Variants in ATP9B observed in about 807,000 individuals in gnomAD.
ATP9B encodes probable phospholipid-transporting ATPase IIB.
ATP9B carries 110 observed loss-of-function variants against 146.1 expected under a neutral mutation model. The ratio of observed to expected loss-of-function variants is 0.75; its 90% CI spans 0.65 to 0.88. The LOEUF is 0.88. Among genes scored for constraint, ATP9B ranks in the 40% least tolerant of loss-of-function variants. The probability of loss-of-function intolerance (pLI) is 0.00; values close to 1 mark genes in which losing one functional copy is unlikely to be tolerated. For synonymous variants in ATP9B, 604 were observed against 569.7 expected (o/e 1.06, Z -0.86); for missense variants, 1,499 against 1,496.4 (o/e 1.00, Z -0.03).
intron 15 of ATP9B, among the ~76,000 whole-genome samples, chr18:79,326,880 G>C (rs554791906): frequency 8.5e-5 from 13 of 152,354 alleles, no homozygotes; most frequent in Admixed American, 2.6e-4. Flanking sequence ...ACTGTCCACT[G>C]TGCTGACTGT....
chr18:79,169,592 C>A (rs2095038545), intron 7 of ATP9B, among the ~76,000 whole-genome samples: 1 of 152,122 alleles, frequency 6.6e-6, no homozygotes, highest in Non-Finnish European at 1.5e-5. Context: ...AAAAGTAAAC[C>A]TTTTCTTAAC....
intron 13 of ATP9B, among the ~76,000 whole-genome samples, chr18:79,296,472 A>C (rs565082087): frequency 2.4e-4 from 37 of 152,364 alleles, no homozygotes; most frequent in Middle Eastern, 3.4e-3. Context: ...CGCTAGCTGC[A>C]CTTTGCAACG....
intron 21 of ATP9B, 94 bp from the exon 22 acceptor site, chr18:79,345,334 G>T: frequency 1.4e-6 from 2 of 1,433,616 alleles, no homozygotes; most frequent in Non-Finnish European, 1.9e-6. Flanking sequence ...GCGTCTGTTG[G>T]CTTTGCTCCC....
intron 13 of ATP9B, among the ~76,000 whole-genome samples, chr18:79,291,169 C>T (rs2096499028): frequency 1.4e-5 from 2 of 146,322 alleles, no homozygotes; most frequent in African/African-American, 5.0e-5. Context: ...AGAGCTGCAG[C>T]TTTTTTTTTT....
rs146329439 is a variant in ATP9B at position 79,332,173 on chromosome 18, T to G, written c.2028+2069T>G. 3.1e-4 allele frequency among the ~76,000 whole-genome samples: 47 copies of G among 152,388 alleles called. No individual in the cohort carries two copies. In the East Asian group the frequency reaches 8.3e-3, roughly 27 times the overall value. ...GGCTGGGTACGGTGGCTTACGCCTG[T>G]AATGCCAGCACTTTGGGAGGCCAAG... On this transcript the variant is annotated intron_variant, in intron 17 of 29. Coordinates refer to ENST00000426216, the MANE Select transcript of ATP9B (RefSeq NM_198531.5).
chr18:79,301,980 C>G (rs2096593495), intron 13 of ATP9B, among the ~76,000 whole-genome samples: 2 of 152,184 alleles, frequency 1.3e-5, no homozygotes, highest in South Asian at 2.1e-4. Context: ...CTAACTGATT[C>G]ACTTTGTGCT....
rs181769316 is a variant in ATP9B at position 79,162,246 on chromosome 18, G to T, written c.778+7691G>T. Among the ~76,000 whole-genome samples the T allele has an allele frequency of 3.5e-4, 53 of 152,296 alleles. No individual in the cohort carries two copies. The East Asian group carries it at 9.5e-3, about 27-fold the overall frequency. Reference sequence around the variant, plus strand: ...GGTGCTTGTCAGTACAGCATGGTGGGTTGCTCATGGCATCGTATTGACTGT... The same window carrying T: ...GGTGCTTGTCAGTACAGCATGGTGGTTTGCTCATGGCATCGTATTGACTGT... On this transcript the variant is annotated intron_variant, in intron 7 of 29. Coordinates refer to ENST00000426216, the MANE Select transcript of ATP9B (RefSeq NM_198531.5).
chr18:79,186,056 G>A (rs1252763405), intron 8 of ATP9B, among the ~76,000 whole-genome samples: 1 of 152,160 alleles, frequency 6.6e-6, no homozygotes, highest in Non-Finnish European at 1.5e-5. Context: ...TTCAGGCGTT[G>A]TAGACATTTG....
Position 79,347,786 on chromosome 18 carries a change from C to T in ATP9B, c.2699C>T (p.Ser900Leu). ...TTCTCTCAGGAGGGTAAACAGGCCT[C>T]GCTGGCGGCCGACTTCTCCATCACG... The part of the protein sequence containing the change: ...GIEGKEGKQA[S>L]LAADFSITQF... Residue 900 changes from serine to leucine, a missense_variant, in exon 24 of 30, where the codon TCG becomes TTG. Physicochemically the swap from Ser to Leu is moderately radical, Grantham distance 145 (BLOSUM62 -2). Transcript: ENST00000426216. The T allele has an allele frequency of 2.5e-6, 4 of 1,585,818 alleles. No individual in the cohort carries two copies. Among genetic ancestry groups the T allele is most frequent in the Non-Finnish European group, 1.7e-6 (2 of 1,164,402 alleles).
In ATP9B at chr18:79,372,770, G is replaced by A. The variant is rs555280816; in HGVS notation, c.3013-55G>A. 1.1e-4 allele frequency: 133 copies of A among 1,188,390 alleles called. No homozygotes were observed. The South Asian group carries it at 1.2e-3, about 11-fold the overall frequency. The allele number at this position is 1,188,390 out of a possible 1,614,324, so 73.6% of individuals were successfully genotyped here. Reference sequence around the variant, plus strand: ...GACCCATAGCTCACTCCTGGAAGGCGTGAGTCAAGCAGGTGGTTCTGCGCA... The same window carrying A: ...GACCCATAGCTCACTCCTGGAAGGCATGAGTCAAGCAGGTGGTTCTGCGCA... On this transcript the variant is annotated intron_variant, in intron 26 of 29. Transcript: ENST00000426216.
Position 79,126,330 on chromosome 18 carries a change from G to T in ATP9B, c.622G>T (p.Asp208Tyr). The change falls in exon 5 of 30, where the codon GAC (aspartate) becomes TAC (tyrosine). Residue 208 changes from aspartate to tyrosine, a missense_variant. By Grantham distance (160) the Asp-to-Tyr change is radical (BLOSUM62 -3). Transcript: ENST00000426216. ...AIDEFRRFQRDKEVNSQLYSK... is the reference protein window; with the variant it reads ...AIDEFRRFQRYKEVNSQLYSK... ...TGATGAATTTCGGCGTTTTCAGCGT[G>T]ACAAGGAAGTGAATTCACAACTATA... The T allele has an allele frequency of 6.2e-7, 1 of 1,611,976 alleles. No homozygotes were observed. Among genetic ancestry groups the T allele is most frequent in the South Asian group, 1.1e-5 (1 of 90,898 alleles).
At chr18:79,358,063 G>A (rs376971972) in intron 25 of ATP9B, among the ~76,000 whole-genome samples, 378 of 5,360 alleles carry the variant, frequency 0.071, 2 homozygotes, top group Middle Eastern at 0.33. Context: ...CCGTGTGAGG[G>A]ACCCTGTGTG....
intron 4 of ATP9B, among the ~76,000 whole-genome samples, chr18:79,120,697 A>G (rs1011233649): frequency 1.1e-4 from 17 of 152,246 alleles, no homozygotes; most frequent in Admixed American, 3.3e-4. Flanking sequence ...AGATCTGTCT[A>G]TGCAGAAGAT....
At chr18:79,227,994 G>A (rs757428719) in intron 11 of ATP9B, among the ~76,000 whole-genome samples, 42 of 152,190 alleles carry the variant, frequency 2.8e-4, no homozygotes, top group Middle Eastern at 3.2e-3. Context: ...ATTAGCCAAA[G>A]CTCATAGTGT....
chr18:79,277,763 T>C (rs1219643677), intron 13 of ATP9B, among the ~76,000 whole-genome samples: 1 of 152,188 alleles, frequency 6.6e-6, no homozygotes, highest in East Asian at 1.9e-4. Context: ...ACAATTGGAA[T>C]CTGGTACTAT....
chr18:79,291,210 A>T (rs368308540), intron 13 of ATP9B, among the ~76,000 whole-genome samples: 2 of 151,844 alleles, frequency 1.3e-5, no homozygotes, highest in Non-Finnish European at 2.9e-5. Context: ...GTCAAAAGAC[A>T]TTTTCTGTCT....
chr18:79,353,624 G>A (rs1285017569), intron 25 of ATP9B: 1 of 152,214 alleles, frequency 6.6e-6, no homozygotes. Context: ...AGCCATTTAT[G>A]TGAGACTCAA....
chr18:79,336,571 C>T, intron 17 of ATP9B, 57 bp from the exon 18 acceptor site: 1 of 1,534,354 alleles, frequency 6.5e-7, no homozygotes. Context: ...CCTGGCCCCA[C>T]ACACGGCCAC....
rs763492816 is a variant in ATP9B, at chr18:79,307,231, T to A, written c.1770T>A (p.Asp590Glu). 1.2e-6 allele frequency: 2 copies of A among 1,614,068 alleles called. No individual in the cohort carries two copies. ...ENRTYQASSPDEVALVQWTES... is the reference protein window; with the variant it reads ...ENRTYQASSPEEVALVQWTES... ...GCACCTACCAGGCTTCCAGCCCGGA[T>A]GAGGTCAGTCAAAGCACAAAACCGT... The change falls in exon 15 of 30, where the codon GAT becomes GAA. Residue 590 changes from aspartate to glutamate, a missense_variant. Coordinates refer to ENST00000426216, the MANE Select transcript of ATP9B (RefSeq NM_198531.5).
Sources: allele counts gnomAD v4.1 joint callset (sites outside exome capture counted in the v4.1 genomes callset), GRCh38; gene constraint gnomAD v4.1.1; transcripts MANE v1.5; gene names NCBI Gene and HGNC (gene_info 2026-07-23, HGNC 2026-07-21).